Variants in OR51B5 observed in about 807,000 individuals in gnomAD.
OR51B5 encodes the protein olfactory receptor family 51 subfamily B member 5, also known as olfactory receptor 51B5.
For missense variants in OR51B5, 456 were observed against 374.6 expected (o/e 1.22, Z -1.79); for synonymous variants, 186 against 144.8 (o/e 1.28, Z -2.04).
At chr11:5,472,726 C>A (rs144724517) in intron 1 of OR51B5, among the ~76,000 whole-genome samples, 2 of 152,322 alleles carry the variant, frequency 1.3e-5, no homozygotes, top group African/African-American at 4.8e-5. Flanking sequence ...GGAGAGCTGA[C>A]GCCCAGGAAG....
At chr11:5,351,938 T>C in intron 1 of OR51B5, 1 of 1,613,138 alleles carries the variant, frequency 6.2e-7, no homozygotes. Context: ...AAGATTGGTG[T>C]GCGGGTATTG....
chr11:5,345,203 AGT>A (rs1848972352), upstream of OR51B5, among the ~76,000 whole-genome samples: 1 of 152,170 alleles, frequency 6.6e-6, no homozygotes, highest in African/African-American at 2.4e-5. Context: ...AATGGAAAAT[AGT>A]GTGGTGATAT....
At chr11:5,487,043 T>G (rs536888842) in intron 1 of OR51B5, among the ~76,000 whole-genome samples, 2 of 152,138 alleles carry the variant, frequency 1.3e-5, no homozygotes, top group Admixed American at 6.6e-5. Context: ...TTGAAAGAGA[T>G]AGGAATTCAA....
chr11:5,397,594 C>A (rs1231713393), intron 1 of OR51B5, among the ~76,000 whole-genome samples: 1 of 150,894 alleles, frequency 6.6e-6, no homozygotes, highest in African/African-American at 2.4e-5. Flanking sequence ...CACTTTTACA[C>A]TGTTGGTGGG....
intron 1 of OR51B5, among the ~76,000 whole-genome samples, chr11:5,486,696 G>T (rs1462513498): frequency 6.6e-6 from 1 of 152,186 alleles, no homozygotes; most frequent in Non-Finnish European, 1.5e-5. Context: ...GAAGGCAGAT[G>T]AGCTAAGTGT....
Position 5,379,474 on chromosome 11 carries a change from AAAAT to A in OR51B5, n.85-32568_85-32565del, listed in dbSNP as rs202104609. 3.9e-3 allele frequency among the ~76,000 whole-genome samples: 469 copies of A among 119,644 alleles called. 1 individual carries two copies. The highest frequency in any genetic ancestry group is 0.013 in the African/African-American group (421 of 32,794). 78.5% of individuals were successfully genotyped at this position (119,644 alleles called of 152,430 possible). ...TTAAAGTATAATAATAATAATAAAT[AAAAT>A]AAATAAAAAAATAAAAAATAAAGTT... is the stretch of plus-strand genomic sequence containing the variant. On this transcript the variant is annotated intron_variant and non_coding_transcript_variant, in intron 1 of 4. Coordinates refer to the OR51B5 transcript ENST00000415970.
At chr11:5,384,425 C>T (rs1036950947) in intron 1 of OR51B5, among the ~76,000 whole-genome samples, 1 of 152,168 alleles carries the variant, frequency 6.6e-6, no homozygotes, top group Non-Finnish European at 1.5e-5. Context: ...AGAGTCTATG[C>T]ACAGAACCAG....
intron 1 of OR51B5, among the ~76,000 whole-genome samples, chr11:5,452,383 G>C (rs1447330597): frequency 6.6e-6 from 1 of 151,808 alleles, no homozygotes; most frequent in African/African-American, 2.4e-5. Flanking sequence ...GCGGGAGCCT[G>C]TAGTCCCAAC....
intron 1 of OR51B5, among the ~76,000 whole-genome samples, chr11:5,460,077 T>C (rs1416906813): frequency 1.3e-5 from 2 of 150,510 alleles, no homozygotes; most frequent in Non-Finnish European, 2.9e-5. Flanking sequence ...AATAAGATCA[T>C]GAGATCATGT....
chr11:5,476,374 C>G (rs1851305650), intron 1 of OR51B5, among the ~76,000 whole-genome samples: 1 of 152,158 alleles, frequency 6.6e-6, no homozygotes, highest in Non-Finnish European at 1.5e-5. Context: ...GCATTTGAAC[C>G]TAGGTACTCT....
chr11:5,480,128 G>A (rs1851393997), intron 1 of OR51B5, among the ~76,000 whole-genome samples: 1 of 152,130 alleles, frequency 6.6e-6, no homozygotes. Flanking sequence ...CTCATCAAAT[G>A]TAAAAGAACA....
At chr11:5,468,691 A>C (rs951099638) in intron 1 of OR51B5, 2 of 456,460 alleles carry the variant, frequency 4.4e-6, no homozygotes, top group East Asian at 1.4e-4. Context: ...TATGTGACAC[A>C]CATGTGTTGA....
At chr11:5,462,470 C>T (rs1469095343) in intron 1 of OR51B5, among the ~76,000 whole-genome samples, 7 of 152,188 alleles carry the variant, frequency 4.6e-5, no homozygotes, top group Non-Finnish European at 8.8e-5. Flanking sequence ...GAGGTCCTGA[C>T]CTACCTCAAT....
At chr11:5,450,252 G>T (rs1850824187) in intron 1 of OR51B5, among the ~76,000 whole-genome samples, 1 of 152,064 alleles carries the variant, frequency 6.6e-6, no homozygotes. Context: ...AGCCAGGCGT[G>T]GTGGCAGGCG....
chr11:5,468,503 A>G (rs997816134), intron 1 of OR51B5: 1 of 356,704 alleles, frequency 2.8e-6, no homozygotes, highest in Non-Finnish European at 5.6e-6. Flanking sequence ...TTAGCTCCCA[A>G]TAACATCTTG....
chr11:5,483,166 A>G (rs1353027018), intron 1 of OR51B5, among the ~76,000 whole-genome samples: 4 of 150,386 alleles, frequency 2.7e-5, no homozygotes, highest in Non-Finnish European at 5.9e-5. Flanking sequence ...ACCATGGAAT[A>G]CTATGCAGCC....
At chr11:5,417,028 T>C (rs1157813473) in intron 1 of OR51B5, among the ~76,000 whole-genome samples, 2 of 148,018 alleles carry the variant, frequency 1.4e-5, no homozygotes, top group Non-Finnish European at 1.5e-5. Flanking sequence ...CTTCAAACTA[T>C]ACTACAAGGC....
intron 1 of OR51B5, among the ~76,000 whole-genome samples, chr11:5,354,097 T>A (rs576683147): frequency 6.6e-6 from 1 of 152,336 alleles, no homozygotes; most frequent in South Asian, 2.1e-4. Context: ...AAATATAATT[T>A]TTCATTAAAA....
At chr11:5,347,322 G>C (rs965984067), upstream of OR51B5, among the ~76,000 whole-genome samples, 1 of 152,142 alleles carries the variant, frequency 6.6e-6, no homozygotes, top group African/African-American at 2.4e-5. Context: ...ATCAGAGAAA[G>C]CTTGAAAGCA....
Sources: allele counts gnomAD v4.1 joint callset (sites outside exome capture counted in the v4.1 genomes callset), GRCh38; gene constraint gnomAD v4.1.1; transcripts MANE v1.5; gene names NCBI Gene and HGNC (gene_info 2026-07-23, HGNC 2026-07-21).